Variants in TRPM6 observed in about 807,000 individuals in gnomAD.
The protein encoded by TRPM6 is channel kinase 2.
In TRPM6, 111 loss-of-function variants were observed where a neutral mutation model predicts 247.6. The ratio of observed to expected loss-of-function variants is 0.45; its 90% CI spans 0.38 to 0.52. The LOEUF (loss-of-function observed/expected upper bound fraction) is 0.52. TRPM6 is among the 20% of genes least tolerant of loss of function. The pLI, the probability that TRPM6 is intolerant of heterozygous loss-of-function variation, is 0.00. For missense variants in TRPM6, 2,126 were observed against 2,421.5 expected, an observed-to-expected ratio of 0.88 and a Z score of 2.56; for synonymous variants, 892 against 853.8, an observed-to-expected ratio of 1.04 and a Z score of -0.78.
intron 5 of TRPM6, among the ~76,000 whole-genome samples, chr9:74,838,208 C>G (rs562862064): frequency 6.6e-6 from 1 of 152,140 alleles, no homozygotes; most frequent in Non-Finnish European, 1.5e-5. Context: ...AAATGAAGCA[C>G]GACATGCAGT....
At chr9:74,742,045 G>C (rs1053621877) in intron 33 of TRPM6, among the ~76,000 whole-genome samples, 2 of 152,208 alleles carry the variant, frequency 1.3e-5, no homozygotes, top group African/African-American at 4.8e-5. Context: ...CTGCCAGACA[G>C]AGAAATTTTG....
intron 1 of TRPM6, among the ~76,000 whole-genome samples, chr9:74,873,100 T>C (rs1831080197): frequency 6.6e-6 from 1 of 152,134 alleles, no homozygotes; most frequent in Non-Finnish European, 1.5e-5. Context: ...CCTGCCTCCA[T>C]CTCTACATTC....
In TRPM6 at chr9:74,816,663, C is replaced by T. The variant is rs757670919; in HGVS notation, c.1308+6G>A. Reference sequence around the variant, plus strand: ...TTTTTTCCGAATAACTTCATTTTCACTATACCTTCCAGTGTTGTTCATAAA... The same window carrying T: ...TTTTTTCCGAATAACTTCATTTTCATTATACCTTCCAGTGTTGTTCATAAA... On this transcript the variant is annotated splice_donor_region_variant and intron_variant, in intron 11 of 38. Transcript: ENST00000360774. 1 of 1,611,206 alleles carries T rather than the reference C, an allele frequency of 6.2e-7. No individual in the cohort carries two copies. Among genetic ancestry groups the T allele is most frequent in the Non-Finnish European group, 8.5e-7 (1 of 1,177,648 alleles).
intron 25 of TRPM6, among the ~76,000 whole-genome samples, chr9:74,770,863 C>A (rs1037369296): frequency 1.3e-5 from 2 of 152,126 alleles, no homozygotes; most frequent in Non-Finnish European, 2.9e-5. Flanking sequence ...AACAAAAAAA[C>A]CTTACCGTGT....
At chr9:74,727,053 T>C (rs1411005225) in intron 38 of TRPM6, among the ~76,000 whole-genome samples, 2 of 152,212 alleles carry the variant, frequency 1.3e-5, no homozygotes, top group Admixed American at 6.5e-5. Flanking sequence ...CCAGTGGAAC[T>C]GGAAGCCTGC....
chr9:74,827,724 A>G (rs771496660), intron 7 of TRPM6, 54 bp downstream of exon 7: 34 of 1,584,600 alleles, frequency 2.1e-5, no homozygotes, highest in Non-Finnish European at 2.6e-6. Flanking sequence ...AGACCATGAA[A>G]GACCTCAGCA....
intron 11 of TRPM6, 130 bp downstream of exon 11, chr9:74,816,539 C>A: frequency 2.8e-6 from 2 of 710,540 alleles, no homozygotes; most frequent in Non-Finnish European, 2.4e-6. Flanking sequence ...TCTTAGCTAT[C>A]CCAGCTACAG....
At chr9:74,855,825 C>T (rs947723121) in intron 2 of TRPM6, among the ~76,000 whole-genome samples, 9 of 151,932 alleles carry the variant, frequency 5.9e-5, no homozygotes. Context: ...TACTCTAAGC[C>T]CCAGTTTTTA....
At position 74,821,919 on chromosome 9, in the gene TRPM6, T is replaced by C. The variant is rs1829144129; in HGVS notation, c.842-82A>G. On this transcript the variant is annotated intron_variant, in intron 7 of 38. Coordinates refer to ENST00000360774, the MANE Select transcript of TRPM6 (RefSeq NM_017662.5). ...GGCCGTTTTGACTTCCAGACACAAG[T>C]CTCTCAATTACCACCTATGTTCATT... The C allele has an allele frequency of 2.7e-6, 4 of 1,476,552 alleles. No individual in the cohort carries two copies. In the East Asian group the frequency reaches 7.1e-5, roughly 26 times the overall value. 91.5% of individuals were successfully genotyped at this position (1,476,552 alleles called of 1,614,324 possible).
At chr9:74,844,927 T>C (rs939784596) in intron 3 of TRPM6, among the ~76,000 whole-genome samples, 34 of 152,208 alleles carry the variant, frequency 2.2e-4, no homozygotes, top group African/African-American at 8.0e-4. Context: ...GATTATTAAT[T>C]GGCCTAATTT....
At chr9:74,833,944 G>A (rs1334009350) in intron 6 of TRPM6, 54 bp downstream of exon 6, 4 of 1,609,180 alleles carry the variant, frequency 2.5e-6, no homozygotes, top group Non-Finnish European at 3.4e-6. Flanking sequence ...GTGTTAAGCT[G>A]GCAATTTGCA....
In TRPM6 at chr9:74,816,728, C is replaced by T; in HGVS notation, c.1249G>A (p.Ala417Thr). 6.2e-7 allele frequency: 1 copy of T among 1,614,188 alleles called. No individual in the cohort carries two copies. The highest frequency in any genetic ancestry group is 1.1e-5 in the South Asian group (1 of 91,084). Residue 417 changes from alanine (A) to threonine (T), a missense_variant, in exon 11 of 39, where the codon GCT becomes ACT. Coordinates refer to ENST00000360774, the MANE Select transcript of TRPM6 (RefSeq NM_017662.5). ...SASEQLNLAMAWDRVDIAKKH... is the reference protein window; with the variant it reads ...SASEQLNLAMTWDRVDIAKKH... Reference sequence around the variant, plus strand: ...TTGGCAATGTCCACCCTGTCCCAAGCCATTGCCAGATTTAATTGCTCTGAC... The same window carrying T: ...TTGGCAATGTCCACCCTGTCCCAAGTCATTGCCAGATTTAATTGCTCTGAC...
chr9:74,837,372 G>C (rs1229517960), intron 5 of TRPM6, among the ~76,000 whole-genome samples: 1 of 152,194 alleles, frequency 6.6e-6, no homozygotes, highest in Non-Finnish European at 1.5e-5. Flanking sequence ...CTGGTCCAGG[G>C]ACTAATCCTT....
intron 2 of TRPM6, among the ~76,000 whole-genome samples, chr9:74,858,054 TGAC>T (rs1329795269): frequency 1.3e-5 from 2 of 152,210 alleles, no homozygotes; most frequent in African/African-American, 4.8e-5. Flanking sequence ...ATATTAACAG[TGAC>T]GGCATTAAGA....
chr9:74,831,133 G>T (rs1313714231), intron 6 of TRPM6, among the ~76,000 whole-genome samples: 1 of 152,134 alleles, frequency 6.6e-6, no homozygotes. Context: ...ATACAGTACA[G>T]TATGATACTA....
intron 3 of TRPM6, among the ~76,000 whole-genome samples, chr9:74,845,881 G>A (rs977226562): frequency 7.2e-5 from 11 of 152,178 alleles, no homozygotes; most frequent in African/African-American, 2.4e-4. Flanking sequence ...TCTACAACAT[G>A]TTGAATAAAA....
At chr9:74,782,559 T>C (rs921951064) in intron 22 of TRPM6, 83 bp from the exon 23 acceptor site, 2 of 1,446,476 alleles carry the variant, frequency 1.4e-6, no homozygotes, top group African/African-American at 2.8e-5. Context: ...GCACATTAAC[T>C]GCACAGAATA....
intron 25 of TRPM6, among the ~76,000 whole-genome samples, chr9:74,764,463 G>A (rs964187894): frequency 1.3e-5 from 2 of 152,136 alleles, no homozygotes; most frequent in Non-Finnish European, 2.9e-5. Flanking sequence ...GCATCTACAA[G>A]CCAAGGAACA....
chr9:74,885,243 T>C (rs1280023406), intron 1 of TRPM6, among the ~76,000 whole-genome samples: 1 of 152,210 alleles, frequency 6.6e-6, no homozygotes, highest in African/African-American at 2.4e-5. Flanking sequence ...GATAACTATA[T>C]TCAGAGGATC....
Sources: gnomAD v4.1 joint callset for allele counts (sites outside exome capture counted in the v4.1 genomes callset) on GRCh38, gnomAD v4.1.1 for gene constraint, MANE v1.5 for transcripts, NCBI Gene and HGNC (gene_info 2026-07-23, HGNC 2026-07-21) for gene names.